The following AMPD3 variants were observed in gnomAD, a reference collection of about 807,000 sequenced individuals.
AMPD3 encodes AMP deaminase 3.
In AMPD3, 57 loss-of-function variants were observed where a neutral mutation model predicts 82.3. That is an observed-to-expected ratio of 0.69 (90% CI 0.56 to 0.86). AMPD3 has a LOEUF of 0.86. Ranked by LOEUF, AMPD3 falls within the 40% of genes least tolerant of loss-of-function variation. The pLI, the probability that AMPD3 is intolerant of heterozygous loss-of-function variation, is 0.00. For missense variants in AMPD3, 870 were observed against 1,003.8 expected, an observed-to-expected ratio of 0.87 and a Z score of 1.80; for synonymous variants, 381 against 394.7, an observed-to-expected ratio of 0.97 and a Z score of 0.41.
intron 6 of AMPD3, chr11:10,488,553 C>A: frequency 2.2e-6 from 1 of 461,044 alleles, no homozygotes; most frequent in Non-Finnish European, 2.8e-6. Flanking sequence ...GAGCGGGGAG[C>A]AGCGGGTTGT....
rs1389982321 is a variant in AMPD3, at chr11:10,478,550, G to A, written c.246G>A (p.Arg82=). 6.2e-7 allele frequency: 1 copy of A among 1,614,152 alleles called. No individual in the cohort carries two copies. Among genetic ancestry groups the A allele is most frequent in the South Asian group, 1.1e-5 (1 of 91,074 alleles). The part of the protein sequence containing the change: ...AKRKKSFKMI[R]SQSLSLQMPP... ...GAAAGAAAAGTTTCAAGATGATTCG[G>A]TCCCAGTCCCTGTCTCTGCAAATGC... The change falls in exon 3 of 15, where the codon CGG becomes CGA. Residue 82 remains arginine (R), a synonymous_variant. Transcript: ENST00000396553.
In AMPD3 at chr11:10,472,119, A is replaced by G. The variant is rs560172386; in HGVS notation, c.222-6407A>G. ...CCATGGAATACTATGCAGCCATAAA[A>G]AAGATGGGTTCATGTCCTTTGCAGG... On this transcript the variant is annotated intron_variant, in intron 2 of 14. Coordinates refer to ENST00000396553, the MANE Select transcript of AMPD3 (RefSeq NM_001025389.2). 3.9e-5 allele frequency among the ~76,000 whole-genome samples: 6 copies of G among 152,376 alleles called. No individual in the cohort carries two copies. In the East Asian group the frequency reaches 9.6e-4, roughly 24 times the overall value.
chr11:10,488,568 A>C (rs553783396), intron 6 of AMPD3, among the ~76,000 whole-genome samples: 6 of 151,902 alleles, frequency 3.9e-5, no homozygotes, highest in African/African-American at 1.5e-4. Flanking sequence ...GGTTGTGGGG[A>C]GAGTAAGGCT....
In AMPD3 at chr11:10,504,643, G is replaced by A. The variant is rs766990825; in HGVS notation, c.2111G>A (p.Ser704Asn). Residue 704 changes from serine to asparagine, a missense_variant, in exon 14 of 15, where the codon AGC becomes AAC. Physicochemically the swap from Ser to Asn is conservative, Grantham distance 46 (BLOSUM62 1). Transcript: ENST00000396553. ...ATCGCCAGGAACAGCGTGCTGCAGA[G>A]CGGCCTCTCGCATCAGGTATGGAGT... is the stretch of plus-strand genomic sequence containing the variant. ...CEIARNSVLQ[S>N]GLSHQEKQKF... 1 of 1,614,172 alleles carries A rather than the reference G, an allele frequency of 6.2e-7. No individual in the cohort carries two copies. Among genetic ancestry groups the A allele is most frequent in the Non-Finnish European group, 8.5e-7 (1 of 1,180,002 alleles).
At chr11:10,500,973 T>G in intron 11 of AMPD3, 1 of 985,366 alleles carries the variant, frequency 1.0e-6, no homozygotes, top group Non-Finnish European at 1.2e-6. Flanking sequence ...GGGGTCCTGA[T>G]TGAAAGAAAT....
At chr11:10,452,135 C>T (rs1181384269), upstream of AMPD3, among the ~76,000 whole-genome samples, 1 of 152,118 alleles carries the variant, frequency 6.6e-6, no homozygotes, top group Non-Finnish European at 1.5e-5. Context: ...GTTCTCCTAG[C>T]TCTCAGCTAG....
At position 10,481,817 on chromosome 11, in the gene AMPD3, G is replaced by A. The variant is rs956034119; in HGVS notation, c.427-246G>A. ...GGGTTTTCACTGGGGCTGGTCACAT[G>A]TCTGCATAGCACATCTCAAATTCCA... On this transcript the variant is annotated intron_variant, in intron 3 of 14. Transcript: ENST00000396553. The A allele has an allele frequency of 3.3e-5, 18 of 544,368 alleles. No individual in the cohort carries two copies. The African/African-American group carries it at 3.4e-4, about 10-fold the overall frequency. 33.7% of individuals were successfully genotyped at this position (544,368 alleles called of 1,614,324 possible).
At chr11:10,466,163 G>A (rs1256687355) in intron 2 of AMPD3, among the ~76,000 whole-genome samples, 2 of 152,122 alleles carry the variant, frequency 1.3e-5, no homozygotes, top group African/African-American at 4.8e-5. Flanking sequence ...TTGGGAGGTT[G>A]AGGCAGGAGA....
chr11:10,497,581 C>A (rs1849451914), intron 10 of AMPD3: 1 of 985,344 alleles, frequency 1.0e-6, no homozygotes, highest in African/African-American at 1.7e-5. Context: ...CAGCGGGGAG[C>A]CCGAGGGCTG....
At chr11:10,500,527 A>G in intron 11 of AMPD3, 1 of 858,772 alleles carries the variant, frequency 1.2e-6, no homozygotes, top group African/African-American at 1.8e-5. Flanking sequence ...GCCACAGTCC[A>G]CACGTGTCCA....
At chr11:10,452,310 C>T (rs1007862572), upstream of AMPD3, among the ~76,000 whole-genome samples, 2 of 151,988 alleles carry the variant, frequency 1.3e-5, no homozygotes, top group African/African-American at 4.8e-5. Flanking sequence ...CCCTTTCTCC[C>T]CTAAAGCTGC....
rs1849617174 is a variant in AMPD3, at chr11:10,502,856, C to T, written c.1978C>T (p.Leu660Phe). 1 of 1,614,092 alleles carries T rather than the reference C, an allele frequency of 6.2e-7. No homozygotes were observed. The change falls in exon 13 of 15, where the codon CTT (leucine) becomes TTT (phenylalanine). Residue 660 changes from leucine (L) to phenylalanine (F), a missense_variant. Physicochemically the swap from Leu to Phe is conservative, Grantham distance 22 (BLOSUM62 0). Transcript: ENST00000396553. ...EFLHKGLHVS[L>F]STDDPMQFHY... ...CCTACACAAGGGACTGCATGTTTCTCTTTCCACCGATGACCCCATGCAGTT... is the reference window on the plus strand; with the variant it reads ...CCTACACAAGGGACTGCATGTTTCTTTTTCCACCGATGACCCCATGCAGTT...
intron 2 of AMPD3, among the ~76,000 whole-genome samples, chr11:10,470,884 G>T (rs1848570022): frequency 6.6e-6 from 1 of 152,128 alleles, no homozygotes; most frequent in Non-Finnish European, 1.5e-5. Flanking sequence ...TGGCCATACT[G>T]CCCAAAGTAA....
rs117073750 is a variant in AMPD3, at chr11:10,497,491, G to A, written c.1557+553G>A. 5.3e-4 allele frequency: 446 copies of A among 844,192 alleles called. 3 individuals are homozygous for A. In the East Asian group the frequency reaches 6.3e-3, roughly 12 times the overall value. The allele number at this position is 844,192 out of a possible 1,614,324, so 52.3% of individuals were successfully genotyped here. On this transcript the variant is annotated intron_variant, in intron 10 of 14. Transcript: ENST00000396553. ...GGGGCGGGAGCCGGTCCCACCCTCC[G>A]GATGCCTGGGATCGAGGGGGTATCA...
intron 2 of AMPD3, among the ~76,000 whole-genome samples, chr11:10,476,539 G>A (rs1175114643): frequency 1.3e-5 from 2 of 151,694 alleles, no homozygotes; most frequent in Non-Finnish European, 2.9e-5. Flanking sequence ...GATGTCACCT[G>A]TTGCTTCTTG....
intron 2 of AMPD3, chr11:10,478,021 C>T: frequency 1.0e-6 from 1 of 985,426 alleles, no homozygotes; most frequent in Non-Finnish European, 1.2e-6. Context: ...GGCTCCAATG[C>T]CCCAAATGTC....
In AMPD3 at chr11:10,478,651, C is replaced by T. The variant is rs997797928; in HGVS notation, c.347C>T (p.Ala116Val). 3.7e-6 allele frequency: 6 copies of T among 1,614,266 alleles called. No homozygotes were observed. In the African/African-American group the frequency reaches 5.3e-5, roughly 14 times the overall value. The change falls in exon 3 of 15, where the codon GCC becomes GTC. Residue 116 changes from alanine (A) to valine (V), a missense_variant. Physicochemically the swap from Ala to Val is moderately conservative, Grantham distance 64 (BLOSUM62 0). Transcript: ENST00000396553. ...CCCACAACCCCTGTGGTCACTGGAG[C>T]CACTTCCCTGCCCACGCCAGCACCC... is the stretch of plus-strand genomic sequence containing the variant. ...MSPTTPVVTG[A>V]TSLPTPAPYA...
chr11:10,501,523 C>T lies in AMPD3; in HGVS notation c.1775C>T (p.Ser592Phe), dbSNP rs147078197. The T allele has an allele frequency of 6.8e-6, 11 of 1,614,002 alleles. No homozygotes were observed. Among genetic ancestry groups the T allele is most frequent in the Non-Finnish European group, 9.3e-6 (11 of 1,180,040 alleles). The change falls in exon 12 of 15, where the codon TCC becomes TTC. Residue 592 changes from serine to phenylalanine, a missense_variant. Coordinates refer to ENST00000396553, the MANE Select transcript of AMPD3 (RefSeq NM_001025389.2). ...LFRPHCGEAG[S>F]ITHLVSAFLT... ...CGGCCGCACTGTGGGGAAGCCGGCT[C>T]CATCACCCACCTGGTGTCTGCCTTC...
intron 8 of AMPD3, 134 bp downstream of exon 8, chr11:10,495,164 C>T (rs1849356891): frequency 1.7e-5 from 27 of 1,593,180 alleles, no homozygotes; most frequent in Non-Finnish European, 2.2e-5. Flanking sequence ...GGGTGAGGTG[C>T]CCAGGTGCCC....
Sources: gnomAD v4.1 joint callset for allele counts (sites outside exome capture counted in the v4.1 genomes callset) on GRCh38, gnomAD v4.1.1 for gene constraint, MANE v1.5 for transcripts, NCBI Gene and HGNC (gene_info 2026-07-23, HGNC 2026-07-21) for gene names.